PDZRN4: variants seen among roughly 807,000 people sequenced by gnomAD.
The protein encoded by PDZRN4 is PDZ domain containing ring finger 4, also known as PDZ domain-containing RING finger protein 4.
PDZRN4 carries 70 observed loss-of-function variants against 99.0 expected under a neutral mutation model. The observed-to-expected ratio is 0.71, with a 90% CI of 0.58 to 0.86. The LOEUF is 0.86. Ranked by LOEUF, PDZRN4 falls within the 40% of genes least tolerant of loss-of-function variation. The probability of loss-of-function intolerance (pLI) is 0.00; values close to 1 mark genes in which losing one functional copy is unlikely to be tolerated. For synonymous variants in PDZRN4, 551 were observed against 501.6 expected (o/e 1.10, Z -1.32); for missense variants, 1,474 against 1,331.2 (o/e 1.11, Z -1.67).
intron 3 of PDZRN4, among the ~76,000 whole-genome samples, chr12:41,310,605 A>G (rs1951600166): frequency 6.6e-6 from 1 of 152,178 alleles, no homozygotes; most frequent in African/African-American, 2.4e-5. Flanking sequence ...GCCAGGCTTT[A>G]TACTGTTGCT....
intron 5 of PDZRN4, among the ~76,000 whole-genome samples, chr12:41,533,522 G>A (rs1938698690): frequency 6.6e-6 from 1 of 152,100 alleles, no homozygotes; most frequent in Admixed American, 6.6e-5. Context: ...TTATTGTGAT[G>A]CTGTTTGTCC....
At position 41,312,920 on chromosome 12, in the gene PDZRN4, C is replaced by T. The variant is rs936189792; in HGVS notation, c.843+118732C>T. ...TAGCAACTCCAGTGTCCGTTATGGC[C>T]AAATCGCACTGCCCTTCTTAGTGTT... On this transcript the variant is annotated intron_variant, in intron 3 of 9. Coordinates refer to ENST00000402685, the MANE Select transcript of PDZRN4 (RefSeq NM_001164595.2). Among the ~76,000 whole-genome samples the T allele has an allele frequency of 2.0e-5, 3 of 152,156 alleles. No individual in the cohort carries two copies. The South Asian group carries it at 6.2e-4, about 32-fold the overall frequency.
At chr12:41,410,100 T>C (rs1476913178) in intron 3 of PDZRN4, 1 of 152,200 alleles carries the variant, frequency 6.6e-6, no homozygotes, top group African/African-American at 2.4e-5. Context: ...ATTCAACCCA[T>C]ACCAGCATAT....
chr12:41,417,350 AAC>A (rs1952453636), intron 3 of PDZRN4, among the ~76,000 whole-genome samples: 1 of 152,232 alleles, frequency 6.6e-6, no homozygotes, highest in Non-Finnish European at 1.5e-5. Context: ...TGCTAGCACA[AAC>A]TGAATAGCAT....
chr12:41,495,769 A>G (rs1937988725), intron 3 of PDZRN4, among the ~76,000 whole-genome samples: 1 of 152,050 alleles, frequency 6.6e-6, no homozygotes, highest in Non-Finnish European at 1.5e-5. Flanking sequence ...CTCTTCTCCA[A>G]GACTCAGTCA....
At chr12:41,392,715 A>C (rs1424924003) in intron 3 of PDZRN4, among the ~76,000 whole-genome samples, 3 of 152,308 alleles carry the variant, frequency 2.0e-5, no homozygotes, top group African/African-American at 7.2e-5. Context: ...GAGCACTGCA[A>C]ACCTCTTCTT....
chr12:41,263,128 G>C (rs143910234), intron 3 of PDZRN4, among the ~76,000 whole-genome samples: 8 of 152,240 alleles, frequency 5.3e-5, no homozygotes, highest in Middle Eastern at 3.4e-3. Context: ...GTGTGTGTGT[G>C]TGTACACACA....
chr12:41,510,075 T>A (rs1938281123), intron 5 of PDZRN4, among the ~76,000 whole-genome samples, 162 bp downstream of exon 5: 1 of 152,146 alleles, frequency 6.6e-6, no homozygotes, highest in Non-Finnish European at 1.5e-5. Flanking sequence ...GTGGCTCTCG[T>A]GTTTTAAGTA....
intron 3 of PDZRN4, among the ~76,000 whole-genome samples, chr12:41,499,334 C>T (rs181596465): frequency 6.6e-6 from 1 of 152,192 alleles, no homozygotes. Flanking sequence ...AAAGCAGAAA[C>T]TTCCATTTCT....
At chr12:41,455,464 T>C (rs1236630439) in intron 3 of PDZRN4, among the ~76,000 whole-genome samples, 1 of 152,150 alleles carries the variant, frequency 6.6e-6, no homozygotes, top group Middle Eastern at 3.4e-3. Flanking sequence ...ATACAAAGAG[T>C]TGCACTTCCA....
chr12:41,555,156 G>A (rs1456987790), intron 6 of PDZRN4, among the ~76,000 whole-genome samples: 2 of 145,758 alleles, frequency 1.4e-5, no homozygotes, highest in African/African-American at 5.1e-5. Flanking sequence ...GCATGAACCC[G>A]AGAGGCGGAG....
chr12:41,572,273 C>T, intron 9 of PDZRN4, 91 bp from the exon 10 acceptor site: 1 of 1,104,442 alleles, frequency 9.1e-7, no homozygotes, highest in Non-Finnish European at 1.3e-6. Context: ...GCAACTTTGC[C>T]AGGAAACATT....
intron 3 of PDZRN4, among the ~76,000 whole-genome samples, chr12:41,477,574 T>C (rs1937614191): frequency 6.6e-6 from 1 of 152,220 alleles, no homozygotes; most frequent in Admixed American, 6.5e-5. Context: ...CTTTTGTTTA[T>C]TTCCATTGTT....
intron 3 of PDZRN4, among the ~76,000 whole-genome samples, chr12:41,377,895 G>A (rs1235935909): frequency 6.6e-6 from 1 of 151,774 alleles, no homozygotes; most frequent in African/African-American, 2.4e-5. Flanking sequence ...GAATCTTTAG[G>A]GTTTTCTACA....
At position 41,572,938 on chromosome 12, in the gene PDZRN4, A is replaced by G. The variant is rs1004087441; in HGVS notation, c.2159A>G (p.Lys720Arg). 1.2e-6 allele frequency: 2 copies of G among 1,614,046 alleles called. No individual in the cohort carries two copies. The highest frequency in any genetic ancestry group is 2.7e-5 in the African/African-American group (2 of 74,928). Residue 720 changes from lysine (K) to arginine (R), a missense_variant, in exon 10 of 10, where the codon AAG becomes AGG. Physicochemically the swap from Lys to Arg is conservative, Grantham distance 26. Transcript: ENST00000402685. ...YNTSIDMQRG[K>R]LDDIMEHPEK... ...ACCAGCATAGATATGCAAAGGGGAA[A>G]GCTAGATGACATCATGGAGCATCCA...
At chr12:41,417,330 T>G (rs1361246320) in intron 3 of PDZRN4, among the ~76,000 whole-genome samples, 1 of 152,220 alleles carries the variant, frequency 6.6e-6, no homozygotes, top group Non-Finnish European at 1.5e-5. Context: ...GAAAATTTGG[T>G]AAGTGCCATT....
intron 8 of PDZRN4, among the ~76,000 whole-genome samples, chr12:41,564,473 A>G (rs551996227): frequency 1.3e-5 from 2 of 152,186 alleles, no homozygotes; most frequent in Non-Finnish European, 2.9e-5. Context: ...AAAGTTAGTT[A>G]TATCGCCATT....
intron 3 of PDZRN4, among the ~76,000 whole-genome samples, chr12:41,303,588 A>C (rs1951551214): frequency 6.6e-6 from 1 of 152,108 alleles, no homozygotes; most frequent in African/African-American, 2.4e-5. Context: ...CACTCAATAT[A>C]TATTGTGTTT....
chr12:41,247,646 T>C (rs766061746), intron 3 of PDZRN4, among the ~76,000 whole-genome samples: 1 of 152,202 alleles, frequency 6.6e-6, no homozygotes, highest in Admixed American at 6.5e-5. Context: ...TATATGTTTC[T>C]TGGCATAGTA....
Sources: gnomAD v4.1 joint callset for allele counts (sites outside exome capture counted in the v4.1 genomes callset) on GRCh38, gnomAD v4.1.1 for gene constraint, MANE v1.5 for transcripts, NCBI Gene and HGNC (gene_info 2026-07-23, HGNC 2026-07-21) for gene names.